Variants in RALYL observed in about 807,000 individuals in gnomAD.
The protein encoded by RALYL is RALY RNA binding protein like, also known as RNA-binding Raly-like protein.
Under a neutral mutation model 35.1 loss-of-function variants are expected in RALYL, and 29 were observed. The observed-to-expected ratio is 0.83, with a 90% CI of 0.61 to 1.13. RALYL has a LOEUF of 1.13. Among genes scored for constraint, RALYL ranks in the 50% most tolerant of loss-of-function variants. The pLI is 0.00. For synonymous variants in RALYL, 120 were observed against 127.6 expected, an observed-to-expected ratio of 0.94 and a Z score of 0.40; for missense variants, 359 against 360.4, an observed-to-expected ratio of 1.00 and a Z score of 0.03.
At chr8:84,432,363 G>T (rs969945960) in intron 1 of RALYL, among the ~76,000 whole-genome samples, 4 of 152,070 alleles carry the variant, frequency 2.6e-5, no homozygotes. Flanking sequence ...AATGGTGGTT[G>T]CCAGGAGTTG....
intron 1 of RALYL, among the ~76,000 whole-genome samples, chr8:84,490,798 A>T (rs1473245400): frequency 2.0e-5 from 3 of 151,714 alleles, no homozygotes; most frequent in Non-Finnish European, 4.4e-5. Context: ...ATGGTAACTG[A>T]CTGTGGAAGA....
chr8:84,906,992 A>G (rs931488007), intron 8 of RALYL: 1 of 984,290 alleles, frequency 1.0e-6, no homozygotes, highest in African/African-American at 1.7e-5. Context: ...CCTGAGATGA[A>G]ATGAAAGTTC....
At chr8:84,886,389 C>T (rs1244330217) in intron 7 of RALYL, among the ~76,000 whole-genome samples, 2 of 151,876 alleles carry the variant, frequency 1.3e-5, no homozygotes, top group Non-Finnish European at 2.9e-5. Flanking sequence ...TTTTATCTCA[C>T]GTTATGAAAA....
chr8:84,417,551 A>C (rs568874936), intron 1 of RALYL, among the ~76,000 whole-genome samples: 83 of 151,362 alleles, frequency 5.5e-4, no homozygotes, highest in African/African-American at 1.9e-3. Flanking sequence ...TTCTTTTATG[A>C]TGTACCTTCC....
At chr8:84,804,929 G>A (rs933003548) in intron 4 of RALYL, 127 bp downstream of exon 4, 10 of 419,762 alleles carry the variant, frequency 2.4e-5, no homozygotes, top group Admixed American at 5.5e-5. Context: ...ATGCAACATT[G>A]CTATCTATGT....
chr8:84,697,119 A>G (rs1209847608), intron 2 of RALYL, among the ~76,000 whole-genome samples: 2 of 151,990 alleles, frequency 1.3e-5, no homozygotes, highest in African/African-American at 4.8e-5. Flanking sequence ...AATGAATTCT[A>G]TTAATATATA....
At chr8:84,847,318 T>C (rs1400998125) in intron 4 of RALYL, among the ~76,000 whole-genome samples, 2 of 152,218 alleles carry the variant, frequency 1.3e-5, no homozygotes, top group Non-Finnish European at 2.9e-5. Flanking sequence ...CCTTCCTTAA[T>C]AGCCATTCAG....
intron 1 of RALYL, among the ~76,000 whole-genome samples, chr8:84,284,429 A>G (rs960161850): frequency 6.6e-6 from 1 of 152,190 alleles, no homozygotes; most frequent in African/African-American, 2.4e-5. Context: ...TTATTCTCAT[A>G]ATAGTGACAT....
Position 84,796,862 on chromosome 8 carries a change from G to A in RALYL, c.333-7908G>A, listed in dbSNP as rs1320464014. Among the ~76,000 whole-genome samples the A allele has an allele frequency of 2.6e-5, 4 of 152,166 alleles. No individual in the cohort carries two copies. In the East Asian group the frequency reaches 7.7e-4, roughly 29 times the overall value. ...CTGGGCCACCATCATACCCAGTGTG[G>A]GGCCAGATAGATGAAATATATGGCC... On this transcript the variant is annotated intron_variant, in intron 3 of 8. Coordinates refer to ENST00000521268, the MANE Select transcript of RALYL (RefSeq NM_173848.7).
chr8:84,866,275 T>C (rs1008176676), intron 6 of RALYL, among the ~76,000 whole-genome samples: 4 of 151,998 alleles, frequency 2.6e-5, no homozygotes, highest in African/African-American at 9.7e-5. Flanking sequence ...TGGAGTGGAG[T>C]CTGTTCCATA....
chr8:84,240,579 A>G (rs1277532171), intron 1 of RALYL, among the ~76,000 whole-genome samples: 3 of 152,216 alleles, frequency 2.0e-5, no homozygotes, highest in Non-Finnish European at 2.9e-5. Flanking sequence ...CCACATGAAT[A>G]AAACAGACAG....
chr8:84,203,742 T>C (rs1817441421), intron 1 of RALYL, among the ~76,000 whole-genome samples: 1 of 152,140 alleles, frequency 6.6e-6, no homozygotes, highest in Non-Finnish European at 1.5e-5. Flanking sequence ...AGTTTTAGTT[T>C]TTCCTAGATT....
intron 5 of RALYL, among the ~76,000 whole-genome samples, chr8:84,853,816 G>T (rs937671413): frequency 6.6e-6 from 1 of 151,790 alleles, no homozygotes; most frequent in Non-Finnish European, 1.5e-5. Context: ...CATAAGTTAC[G>T]GTCTTCTTGC....
chr8:84,226,031 G>A (rs1823791941), intron 1 of RALYL, among the ~76,000 whole-genome samples: 1 of 152,182 alleles, frequency 6.6e-6, no homozygotes, highest in Admixed American at 6.5e-5. Flanking sequence ...CTGTGGACCA[G>A]TACTGGTCTG....
chr8:84,837,718 A>G (rs1205597094), intron 4 of RALYL, among the ~76,000 whole-genome samples: 2 of 152,234 alleles, frequency 1.3e-5, no homozygotes, highest in African/African-American at 2.4e-5. Context: ...CTGATTCCCC[A>G]TTACATCTTG....
At chr8:84,915,738 C>A (rs941959356) in intron 8 of RALYL, among the ~76,000 whole-genome samples, 5 of 152,082 alleles carry the variant, frequency 3.3e-5, no homozygotes, top group African/African-American at 1.2e-4. Context: ...TCTGGAGTTA[C>A]AGTTCTGAAG....
rs958471358 is a variant in RALYL, at chr8:84,772,456, T to A, written c.257-2123T>A. ...AATTATCTTGAAGATAACTGACATATTTATTATATTGAGTCTTCTAATTTT... is the reference window on the plus strand; with the variant it reads ...AATTATCTTGAAGATAACTGACATAATTATTATATTGAGTCTTCTAATTTT... On this transcript the variant is annotated intron_variant, in intron 2 of 8. Transcript: ENST00000521268. Among the ~76,000 whole-genome samples, 186 of 152,070 alleles carry A rather than the reference T, an allele frequency of 1.2e-3. 1 individual carries two copies. Among genetic ancestry groups the A allele is most frequent in the African/African-American group, 4.2e-3 (176 of 41,526 alleles).
intron 2 of RALYL, among the ~76,000 whole-genome samples, chr8:84,690,416 A>G: frequency 6.6e-6 from 1 of 152,120 alleles, no homozygotes; most frequent in East Asian, 1.9e-4. Flanking sequence ...AAGAGTATAA[A>G]GTTGCAGTTT....
At chr8:84,503,320 A>ATT (rs551446229) in intron 1 of RALYL, among the ~76,000 whole-genome samples, 117 of 135,062 alleles carry the variant, frequency 8.7e-4, no homozygotes, top group Admixed American at 2.8e-3. Context: ...TGCCTGGCTA[A>ATT]TTTTTTTTTT....
Sources: allele counts gnomAD v4.1 joint callset (sites outside exome capture counted in the v4.1 genomes callset), GRCh38; gene constraint gnomAD v4.1.1; transcripts MANE v1.5; gene names NCBI Gene and HGNC (gene_info 2026-07-23, HGNC 2026-07-21).